PON1: variants seen among roughly 807,000 people sequenced by gnomAD.
PON1 encodes paraoxonase 1.
In PON1, 37 loss-of-function variants were observed where a neutral mutation model predicts 39.2. The ratio of observed to expected loss-of-function variants is 0.94; its 90% confidence interval spans 0.73 to 1.24. PON1 has a LOEUF of 1.24. Among genes scored for constraint, PON1 ranks in the 50% most tolerant of loss-of-function variants. The pLI, the probability that PON1 is intolerant of heterozygous loss-of-function variation, is 0.00. For synonymous variants in PON1, 148 were observed against 152.2 expected (o/e 0.97, Z 0.21); for missense variants, 397 against 413.5 (o/e 0.96, Z 0.35).
intron 8 of PON1, among the ~76,000 whole-genome samples, chr7:95,299,421 TACTC>T (rs763295696): frequency 3.9e-5 from 6 of 152,196 alleles, no homozygotes; most frequent in Admixed American, 1.3e-4. Context: ...AGGAAGCTGT[TACTC>T]AGTATGATAG....
chr7:95,308,009 A>G lies in PON1; in HGVS notation c.698+2T>C, dbSNP rs906656805. 5 of 1,612,270 alleles carry G rather than the reference A, an allele frequency of 3.1e-6. No individual in the cohort carries two copies. The highest frequency in any genetic ancestry group is 4.5e-5 in the East Asian group (2 of 44,880). On this transcript the variant is annotated splice_donor_variant, in intron 6 of 8. Transcript: ENST00000222381. LOFTEE classifies it high-confidence loss of function. ...CCACTACATTTCAGAGAGTTCACAT[A>G]CTTGCCATCGGGTGAAATGTTGATT...
intron 2 of PON1, 120 bp downstream of exon 2, chr7:95,318,203 A>T: frequency 1.3e-6 from 1 of 799,938 alleles, no homozygotes; most frequent in Non-Finnish European, 2.2e-6. Flanking sequence ...ATTAACTACC[A>T]CTGACTCTCC....
At chr7:95,309,127 C>G (rs4565398) in intron 5 of PON1, among the ~76,000 whole-genome samples, 6 of 152,084 alleles carry the variant, frequency 3.9e-5, no homozygotes, top group Non-Finnish European at 8.8e-5. Flanking sequence ...CCTCAGTTTT[C>G]TCATCTGTAA....
chr7:95,311,558 C>A lies in PON1; in HGVS notation c.390G>T (p.Leu130=). The A allele has an allele frequency of 6.2e-7, 1 of 1,613,984 alleles. No individual in the cohort carries two copies. The highest frequency in any genetic ancestry group is 8.5e-7 in the Non-Finnish European group (1 of 1,179,936). ...FTDEDNAMYL[L]VVNHPDAKST... is the part of the protein sequence containing the mutation. ...ACTTGGCATCTGGATGGTTCACCACCAGGAGGTACATGGCATTATCTGAGA... is the reference window on the plus strand; with the variant it reads ...ACTTGGCATCTGGATGGTTCACCACAAGGAGGTACATGGCATTATCTGAGA... The change falls in exon 5 of 9, where the codon CTG becomes CTT. Residue 130 remains leucine, a synonymous_variant. Coordinates refer to ENST00000222381, the MANE Select transcript of PON1 (RefSeq NM_000446.7).
chr7:95,301,539 T>A (rs1807421256), intron 8 of PON1, among the ~76,000 whole-genome samples: 1 of 152,170 alleles, frequency 6.6e-6, no homozygotes. Context: ...CCCACCACCG[T>A]CTACCTGTTC....
chr7:95,318,361 G>T lies in PON1; in HGVS notation c.107C>A (p.Pro36His). The change falls in exon 2 of 9, where the codon CCC becomes CAC. Residue 36 changes from proline (P) to histidine (H), a missense_variant. Transcript: ENST00000222381. ...TRLNALREVQ[P>H]VELPNCNLVK... is the part of the protein sequence containing the mutation. ...TAAATTACAGTTAGGAAGTTCTACG[G>T]GTTGTACCTCTCGGAGAGCATTAAG... is the stretch of plus-strand genomic sequence containing the variant. 1 of 1,610,140 alleles carries T rather than the reference G, an allele frequency of 6.2e-7. No individual in the cohort carries two copies. The highest frequency in any genetic ancestry group is 8.5e-7 in the Non-Finnish European group (1 of 1,176,548).
chr7:95,299,440 T>C (rs1283991164), intron 8 of PON1, among the ~76,000 whole-genome samples: 2 of 152,158 alleles, frequency 1.3e-5, no homozygotes, highest in African/African-American at 4.8e-5. Context: ...TGATAGTTAA[T>C]ACTGAGAGTC....
rs1807358029 is a variant in PON1 at position 95,299,057 on chromosome 7, G to A, written c.955C>T (p.Gln319Ter). 1.2e-6 allele frequency: 2 copies of A among 1,614,058 alleles called. No homozygotes were observed. Among genetic ancestry groups the A allele is most frequent in the South Asian group, 1.1e-5 (1 of 91,090 alleles). ...ACTGTGCCATTTTCTGCATAAACCT[G>A]TGTCACTTTAGGTTCTTCTGTTAGA... is the stretch of plus-strand genomic sequence containing the variant. Reference protein sequence around the residue: ...NILTEEPKVTQVYAENGTVLQ... With the variant: ...NILTEEPKVT Residue 319 changes from glutamine to a stop codon, truncating the protein, a stop_gained, in exon 9 of 9, where the codon CAG (glutamine) becomes TAG (stop). Coordinates refer to ENST00000222381, the MANE Select transcript of PON1 (RefSeq NM_000446.7). LOFTEE classifies it high-confidence loss of function.
chr7:95,311,282 A>G (rs1418190142), intron 5 of PON1, among the ~76,000 whole-genome samples, 169 bp downstream of exon 5: 1 of 152,100 alleles, frequency 6.6e-6, no homozygotes, highest in East Asian at 1.9e-4. Context: ...GCCGTCTCTG[A>G]GGGGCTTGAG....
Position 95,311,547 on chromosome 7 carries a change from T to C in PON1, c.401A>G (p.His134Arg), listed in dbSNP as rs536888659. The change falls in exon 5 of 9, where the codon CAT (histidine) becomes CGT (arginine). Residue 134 changes from histidine (H) to arginine (R), a missense_variant. Physicochemically the swap from His to Arg is conservative, Grantham distance 29. Transcript: ENST00000222381. ...CTCCACTGTGGACTTGGCATCTGGATGGTTCACCACCAGGAGGTACATGGC... is the reference window on the plus strand; with the variant it reads ...CTCCACTGTGGACTTGGCATCTGGACGGTTCACCACCAGGAGGTACATGGC... ...DNAMYLLVVN[H>R]PDAKSTVELF... 6.2e-7 allele frequency: 1 copy of C among 1,614,026 alleles called. No individual in the cohort carries two copies. The highest frequency in any genetic ancestry group is 1.3e-5 in the African/African-American group (1 of 75,048).
At chr7:95,315,872 G>C (rs889700772) in intron 3 of PON1, among the ~76,000 whole-genome samples, 6 of 152,156 alleles carry the variant, frequency 3.9e-5, no homozygotes, top group African/African-American at 1.4e-4. Context: ...CTGTTCCCTG[G>C]TAGGTCCTTG....
chr7:95,310,767 A>G (rs1340921219), intron 5 of PON1, among the ~76,000 whole-genome samples: 2 of 152,226 alleles, frequency 1.3e-5, no homozygotes, highest in Non-Finnish European at 2.9e-5. Flanking sequence ...GGGATTCTAG[A>G]AAATCGTAAT....
intron 7 of PON1, among the ~76,000 whole-genome samples, chr7:95,302,778 T>C (rs935002083): frequency 7.2e-5 from 11 of 152,232 alleles, no homozygotes; most frequent in African/African-American, 2.4e-4. Flanking sequence ...GACTCTTTAA[T>C]GGCTAATCAT....
chr7:95,316,471 TACAC>T (rs1807770710), intron 3 of PON1, among the ~76,000 whole-genome samples: 1 of 152,188 alleles, frequency 6.6e-6, no homozygotes, highest in Non-Finnish European at 1.5e-5. Context: ...AATTCTTGAA[TACAC>T]TGAACTCACA....
intron 7 of PON1, among the ~76,000 whole-genome samples, chr7:95,305,265 G>GT (rs1362754608): frequency 6.6e-6 from 1 of 152,130 alleles, no homozygotes; most frequent in Admixed American, 6.5e-5. Context: ...TTTTTCGGAG[G>GT]TAGAGGGCTG....
intron 1 of PON1, among the ~76,000 whole-genome samples, chr7:95,321,367 T>G (rs1158634243): frequency 6.6e-6 from 1 of 152,210 alleles, no homozygotes; most frequent in Non-Finnish European, 1.5e-5. Flanking sequence ...CAGAGATCTT[T>G]GCCTAGGCAT....
In PON1 at chr7:95,315,321, C is replaced by G. The variant is rs767367563; in HGVS notation, c.370+1G>C. 1 of 1,610,854 alleles carries G rather than the reference C, an allele frequency of 6.2e-7. No homozygotes were observed. The highest frequency in any genetic ancestry group is 8.5e-7 in the Non-Finnish European group (1 of 1,177,540). On this transcript the variant is annotated splice_donor_variant, in intron 4 of 8. Coordinates refer to ENST00000222381, the MANE Select transcript of PON1 (RefSeq NM_000446.7). LOFTEE classifies it high-confidence loss of function. Reference sequence around the variant, plus strand: ...TTTTAATAAATAGTAAATATTGTTACCTTCATCTGTGAATGTGCTAATCCC... The same window carrying G: ...TTTTAATAAATAGTAAATATTGTTAGCTTCATCTGTGAATGTGCTAATCCC...
intron 1 of PON1, among the ~76,000 whole-genome samples, chr7:95,322,067 C>A (rs1807909933): frequency 6.6e-6 from 1 of 152,100 alleles, no homozygotes; most frequent in Non-Finnish European, 1.5e-5. Context: ...TGTGGAGATA[C>A]TAGGCAAGTA....
chr7:95,318,175 A>G, intron 2 of PON1, 148 bp downstream of exon 2: 1 of 687,238 alleles, frequency 1.5e-6, no homozygotes, highest in South Asian at 1.6e-5. Context: ...TCAAAAGTCA[A>G]ACAACATGGT....
Sources: allele counts gnomAD v4.1 joint callset (sites outside exome capture counted in the v4.1 genomes callset), GRCh38; gene constraint gnomAD v4.1.1; transcripts MANE v1.5; gene names NCBI Gene and HGNC (gene_info 2026-07-23, HGNC 2026-07-21).